The following RASGRP2 variants were observed in gnomAD, a reference collection of about 807,000 sequenced individuals.
The protein encoded by RASGRP2 is RAS guanyl-releasing protein 2.
RASGRP2 carries 44 observed loss-of-function variants against 71.0 expected under a neutral mutation model. The ratio of observed to expected loss-of-function variants is 0.62; its 90% CI spans 0.49 to 0.80. The LOEUF (loss-of-function observed/expected upper bound fraction) is 0.80. RASGRP2 is among the 30% of genes least tolerant of loss of function. RASGRP2 has a pLI of 0.00. For synonymous variants in RASGRP2, 350 were observed against 330.7 expected, an observed-to-expected ratio of 1.06 and a Z score of -0.63; for missense variants, 663 against 813.4, an observed-to-expected ratio of 0.82 and a Z score of 2.25.
chr11:64,730,003 G>T, intron 13 of RASGRP2, 50 bp downstream of exon 13: 18 of 1,537,258 alleles, frequency 1.2e-5, no homozygotes, highest in Non-Finnish European at 1.6e-5. Context: ...GGGCGGGGCC[G>T]GGGCTGGAGG....
rs749687577 is a variant in RASGRP2, at chr11:64,735,236, C to T, written c.1297-9G>A. ...AAGTTCCGGAACACAGACTGGGGCA[C>T]GCAGAGGGACACGCAGAGCCAGAAG... On this transcript the variant is annotated splice_polypyrimidine_tract_variant and intron_variant, in intron 11 of 16. Coordinates refer to ENST00000394432, the MANE Select transcript of RASGRP2 (RefSeq NM_001098671.2). This position sits in a 1 kb window ranked among gnomAD's most constrained non-coding sequence, Gnocchi z 4.2. The T allele has an allele frequency of 7.5e-6, 12 of 1,604,266 alleles. No homozygotes were observed. Among genetic ancestry groups the T allele is most frequent in the Middle Eastern group, 1.7e-4 (1 of 6,046 alleles).
At chr11:64,740,363 C>T (rs1222814159) in intron 5 of RASGRP2, 200 bp from the exon 6 acceptor site, 3 of 723,984 alleles carry the variant, frequency 4.1e-6, no homozygotes, top group Non-Finnish European at 5.0e-6. Flanking sequence ...TTATGAACAA[C>T]GTACTCTGTG....
In RASGRP2 at chr11:64,735,885, G is replaced by A; in HGVS notation, c.1173+18C>T. 1 of 1,610,942 alleles carries A rather than the reference G, an allele frequency of 6.2e-7. No individual in the cohort carries two copies. Among genetic ancestry groups the A allele is most frequent in the Non-Finnish European group, 8.5e-7 (1 of 1,177,970 alleles). The stretch of plus-strand genomic sequence containing the variant: ...CAGGAGGGAAGGGCAGAGTGGAGAG[G>A]AGGGAGTACCCCCTCACCGAGGACT... On this transcript the variant is annotated intron_variant, in intron 10 of 16. Transcript: ENST00000394432. The surrounding 1 kb of genome is among the most constrained non-coding windows in gnomAD (Gnocchi z 4.2).
In RASGRP2 at chr11:64,736,868, G is replaced by A. The variant is rs1272705632; in HGVS notation, c.980C>T (p.Thr327Ile). Reference sequence around the variant, plus strand: ...CTTCATCTTGGCCCCGTTGAGCCGGGTCCGGGCTGGGTCCAGCCAGTCAGG... The same window carrying A: ...CTTCATCTTGGCCCCGTTGAGCCGGATCCGGGCTGGGTCCAGCCAGTCAGG... The part of the protein sequence containing the change: ...ALPDWLDPAR[T>I]RLNGAKMKQL... Residue 327 changes from threonine to isoleucine, a missense_variant, in exon 9 of 17, where the codon ACC (threonine) becomes ATC (isoleucine). Thr to Ile is a moderately conservative substitution (Grantham distance 89). Transcript: ENST00000394432. 3.0e-5 allele frequency: 49 copies of A among 1,613,644 alleles called. No individual in the cohort carries two copies. In the Admixed American group the frequency reaches 8.0e-4, roughly 26 times the overall value.
Position 64,735,994 on chromosome 11 carries a change from A to T in RASGRP2, c.1096-14T>A. 1 of 1,612,306 alleles carries T rather than the reference A, an allele frequency of 6.2e-7. No homozygotes were observed. The highest frequency in any genetic ancestry group is 8.5e-7 in the Non-Finnish European group (1 of 1,178,744). On this transcript the variant is annotated splice_polypyrimidine_tract_variant and intron_variant, in intron 9 of 16. Coordinates refer to ENST00000394432, the MANE Select transcript of RASGRP2 (RefSeq NM_001098671.2). The surrounding 1 kb of genome is among the most constrained non-coding windows in gnomAD (Gnocchi z 4.2). ...ATCCAGAGACACCTGGGACACACAG[A>T]TCTGATCACCCCCACTGGCCCCTGC... is the stretch of plus-strand genomic sequence containing the variant.
upstream of RASGRP2, chr11:64,744,355 G>C (rs1051903910): frequency 5.1e-6 from 5 of 980,866 alleles, no homozygotes; most frequent in Non-Finnish European, 6.1e-6. Flanking sequence ...GAGGACAGGG[G>C]AGCTCCTGTA....
At chr11:64,728,724 C>G in intron 15 of RASGRP2, 139 bp downstream of exon 15, 1 of 1,002,474 alleles carries the variant, frequency 1.0e-6, no homozygotes, top group Non-Finnish European at 1.4e-6. Flanking sequence ...TGAGCCACCG[C>G]GCCCGGCCTG....
Position 64,742,158 on chromosome 11 carries a change from C to T in RASGRP2, c.74-46G>A. The T allele has an allele frequency of 6.9e-7, 1 of 1,452,460 alleles. No homozygotes were observed. The highest frequency in any genetic ancestry group is 9.5e-7 in the Non-Finnish European group (1 of 1,056,852). 90.0% of individuals were successfully genotyped at this position (1,452,460 alleles called of 1,614,324 possible). A position where few individuals can be genotyped will look rare whatever the true frequency, so the allele number is the denominator to read the frequency against. ...ACAGGTGGCTGAGCTGGGTCCGCAGCTACCATGCCTCATCCTCACCCCGCA... is the reference window on the plus strand; with the variant it reads ...ACAGGTGGCTGAGCTGGGTCCGCAGTTACCATGCCTCATCCTCACCCCGCA... On this transcript the variant is annotated intron_variant, in intron 2 of 16. Transcript: ENST00000394432. This position sits in a 1 kb window ranked among gnomAD's most constrained non-coding sequence, Gnocchi z 4.7.
Position 64,734,969 on chromosome 11 carries a change from G to T in RASGRP2, c.1412+143C>A. 4.3e-6 allele frequency: 3 copies of T among 704,618 alleles called. No individual in the cohort carries two copies. In the Admixed American group the frequency reaches 6.3e-5, roughly 15 times the overall value. 43.6% of individuals were successfully genotyped at this position (704,618 alleles called of 1,614,324 possible). On this transcript the variant is annotated intron_variant, in intron 12 of 16. Coordinates refer to ENST00000394432, the MANE Select transcript of RASGRP2 (RefSeq NM_001098671.2). ...CTGGCAGCCTCTCCTCCCCACAAAA[G>T]CAAGTGCCCTTTCCCACACTGGCAG...
chr11:64,734,585 A>G lies in RASGRP2; in HGVS notation c.1412+527T>C, dbSNP rs562856803. Among the ~76,000 whole-genome samples, 3 of 152,324 alleles carry G rather than the reference A, an allele frequency of 2.0e-5. No homozygotes were observed. In the East Asian group the frequency reaches 5.8e-4, roughly 29 times the overall value. ...TGAAATACAGGTAACATTAAAAAAT[A>G]AATCGACCTGAGATGGACTTTAAAT... On this transcript the variant is annotated intron_variant, in intron 12 of 16. Transcript: ENST00000394432.
rs555129081 is a variant in RASGRP2 at position 64,728,594 on chromosome 11, A to AT, written c.1771+268dup. 2.9e-3 allele frequency among the ~76,000 whole-genome samples: 416 copies of AT among 145,114 alleles called. 1 individual carries two copies. Among genetic ancestry groups the AT allele is most frequent in the South Asian group, 8.1e-3 (37 of 4,572 alleles). On this transcript the variant is annotated intron_variant, in intron 15 of 16. Transcript: ENST00000394432. ...AGGCGTCCGCCACCACGCCTGGCTA[A>AT]TTTTTTTTTTTTGTATTTTTAGTAA...
At chr11:64,741,256 G>A (rs1369431123) in intron 4 of RASGRP2, among the ~76,000 whole-genome samples, 177 bp from the exon 5 acceptor site, 3 of 152,214 alleles carry the variant, frequency 2.0e-5, no homozygotes, top group South Asian at 2.1e-4. Context: ...CCCGCACTGC[G>A]CAGAAAAGAA....
intron 12 of RASGRP2, among the ~76,000 whole-genome samples, chr11:64,733,682 A>G (rs982966121): frequency 1.6e-4 from 24 of 152,160 alleles, no homozygotes; most frequent in Admixed American, 1.3e-3. Context: ...CTGTTTGTCC[A>G]TGAAACAGAC....
rs1400892607 is a variant in RASGRP2, at chr11:64,739,366, G to A, written c.807C>T (p.Thr269=). 10 of 1,613,816 alleles carry A rather than the reference G, an allele frequency of 6.2e-6. No homozygotes were observed. Among genetic ancestry groups the A allele is most frequent in the Non-Finnish European group, 6.8e-6 (8 of 1,179,732 alleles). Residue 269 remains threonine, a synonymous_variant, in exon 8 of 17, where the codon ACC becomes ACT. Transcript: ENST00000394432. The surrounding 1 kb of genome is among the most constrained non-coding windows in gnomAD (Gnocchi z 4.2). Reference sequence around the variant, plus strand: ...CCTCCCCAGTCCCAGGCACCTTGATGGTCTCAGGGCTAACGTGGCTGTGGG... The same window carrying A: ...CCTCCCCAGTCCCAGGCACCTTGATAGTCTCAGGGCTAACGTGGCTGTGGG... ...KETHSHVSPE[T]IKLWEGLTEL...
chr11:64,740,703 C>G (rs2058093407), intron 5 of RASGRP2: 1 of 660,384 alleles, frequency 1.5e-6, no homozygotes, highest in African/African-American at 1.8e-5. Context: ...AGAGCTCAGC[C>G]GACGGGGAGC....
Position 64,742,743 on chromosome 11 carries a change from C to A in RASGRP2, c.73+51G>T. 1.9e-6 allele frequency: 3 copies of A among 1,566,458 alleles called. No individual in the cohort carries two copies. The highest frequency in any genetic ancestry group is 2.3e-5 in the South Asian group (2 of 85,500). ...TGTGCCTGGGAGGCAGGGACCCGGG[C>A]TCAGACTCGGGGCTAGGCTCAGGCT... On this transcript the variant is annotated intron_variant, in intron 2 of 16. Coordinates refer to ENST00000394432, the MANE Select transcript of RASGRP2 (RefSeq NM_001098671.2). The surrounding 1 kb of genome is among the most constrained non-coding windows in gnomAD (Gnocchi z 4.7).
At chr11:64,734,171 G>A (rs1165260661) in intron 12 of RASGRP2, among the ~76,000 whole-genome samples, 1 of 151,692 alleles carries the variant, frequency 6.6e-6, no homozygotes, top group East Asian at 2.0e-4. Flanking sequence ...AATTAGCCAG[G>A]CACGGTGATG....
intron 15 of RASGRP2, 34 bp from the exon 16 acceptor site, chr11:64,727,394 C>T (rs1284967753): frequency 2.5e-6 from 4 of 1,609,744 alleles, no homozygotes; most frequent in Non-Finnish European, 3.4e-6. Flanking sequence ...GAACACACTT[C>T]CAGGTCCCTG....
Position 64,742,979 on chromosome 11 carries a change from G to C in RASGRP2, c.-71-42C>G, listed in dbSNP as rs751310715. The stretch of plus-strand genomic sequence containing the variant: ...AGAGCGGGAGTCTGCGGAGTCGCGG[G>C]CGGGGGAGCGGCCCCGCGGGCAGAA... On this transcript the variant is annotated intron_variant, in intron 1 of 16. Coordinates refer to ENST00000394432, the MANE Select transcript of RASGRP2 (RefSeq NM_001098671.2). The surrounding 1 kb of genome is among the most constrained non-coding windows in gnomAD (Gnocchi z 4.7). The C allele has an allele frequency of 4.1e-5, 62 of 1,507,832 alleles. 2 individuals are homozygous for C. The South Asian group carries it at 7.2e-4, about 17-fold the overall frequency. 93.4% of individuals were successfully genotyped at this position (1,507,832 alleles called of 1,614,324 possible). A position where few individuals can be genotyped will look rare whatever the true frequency, so the allele number is the denominator to read the frequency against.
Sources: gnomAD v4.1 joint callset for allele counts (sites outside exome capture counted in the v4.1 genomes callset) on GRCh38, gnomAD v4.1.1 for gene constraint, Gnocchi (gnomAD v3.1) non-coding constraint, MANE v1.5 for transcripts, NCBI Gene and HGNC (gene_info 2026-07-23, HGNC 2026-07-21) for gene names.